Variants in PNPLA4 observed in about 807,000 individuals in gnomAD.
PNPLA4 encodes the protein patatin-like phospholipase domain-containing protein 4.
Under a neutral mutation model 18.3 loss-of-function variants are expected in PNPLA4, and 15 were observed. The ratio of observed to expected loss-of-function variants is 0.82; its 90% CI spans 0.55 to 1.26. The LOEUF (loss-of-function observed/expected upper bound fraction) is 1.26, where lower values mean the gene tolerates loss of function less well. PNPLA4 is among the 50% of genes most tolerant of loss of function. PNPLA4 has a pLI of 0.00. For synonymous variants in PNPLA4, 88 were observed against 85.6 expected (o/e 1.03, Z -0.16); for missense variants, 229 against 196.8 (o/e 1.16, Z -0.98).
At chrX:7,909,268 A>G (rs1475326283) in intron 5 of PNPLA4, among the ~76,000 whole-genome samples, 2 of 111,916 alleles carry the variant, frequency 1.8e-5, no homozygotes, top group African/African-American at 6.5e-5. Flanking sequence ...CAATAATAAC[A>G]AAAGTTTTAG....
chrX:7,914,526 G>C (rs1014428793), intron 4 of PNPLA4, among the ~76,000 whole-genome samples: 2 of 111,957 alleles, frequency 1.8e-5, no homozygotes, highest in Non-Finnish European at 3.8e-5. Context: ...GGTATGTTTC[G>C]CAAGCACAAT....
chrX:7,900,518 G>A lies in PNPLA4; in HGVS notation c.*168C>T. ...TGACGTTGTCAAATTCTAATAAAGT[G>A]CCTCTTATATCCATGTGCTAAGTAA... On this transcript the variant is annotated 3_prime_UTR_variant, in exon 7 of 7. Transcript: ENST00000381042. 1 of 337,959 alleles carries A rather than the reference G, an allele frequency of 3.0e-6. No individual in the cohort carries two copies. Among genetic ancestry groups the A allele is most frequent in the East Asian group, 4.9e-5 (1 of 20,344 alleles). The allele number at this position is 337,959 out of a possible 1,213,427, so 27.9% of individuals were successfully genotyped here.
intron 2 of PNPLA4, among the ~76,000 whole-genome samples, chrX:7,922,816 A>G (rs953351183): frequency 8.9e-6 from 1 of 111,879 alleles, no homozygotes; most frequent in African/African-American, 3.3e-5. Flanking sequence ...ATAATGAATT[A>G]ATTTGGCAAC....
rs1364227577 is a variant in PNPLA4, at chrX:7,925,951, C to T, written c.169G>A (p.Glu57Lys). ...TACTACTTAATTACCTCTATTTTTT[C>T]TGGTGCTGTTAGCAGAACAGAAGCA... ...LVASVLLTAP[E>K]KIEECNQFTY... The change falls in exon 2 of 7, where the codon GAA (glutamate) becomes AAA (lysine). Residue 57 changes from glutamate to lysine, a missense_variant. Physicochemically the swap from Glu to Lys is moderately conservative, Grantham distance 56. Coordinates refer to ENST00000381042, the MANE Select transcript of PNPLA4 (RefSeq NM_004650.3). 8.3e-7 allele frequency: 1 copy of T among 1,206,784 alleles called. No homozygotes were observed.
chrX:7,909,267 CA>C (rs1224026252), intron 5 of PNPLA4, among the ~76,000 whole-genome samples: 1 of 111,757 alleles, frequency 8.9e-6, no homozygotes, highest in Non-Finnish European at 1.9e-5. Flanking sequence ...ACAATAATAA[CA>C]AAAGTTTTAG....
At chrX:7,901,505 T>A (rs1213354104) in intron 6 of PNPLA4, among the ~76,000 whole-genome samples, 2 of 111,561 alleles carry the variant, frequency 1.8e-5, no homozygotes, top group African/African-American at 3.3e-5. Flanking sequence ...CAGGATTACC[T>A]GAGCCTGGGC....
intron 2 of PNPLA4, among the ~76,000 whole-genome samples, chrX:7,924,643 G>A (rs1156443959): frequency 8.9e-6 from 1 of 111,909 alleles, no homozygotes; most frequent in African/African-American, 3.2e-5. Context: ...ATAACAACAG[G>A]TAAACTGATC....
At chrX:7,923,634 C>T (rs1924303817) in intron 2 of PNPLA4, among the ~76,000 whole-genome samples, 1 of 111,794 alleles carries the variant, frequency 8.9e-6, no homozygotes, top group Admixed American at 9.5e-5. Flanking sequence ...GACACCCAGG[C>T]TGGGACTTAA....
At chrX:7,920,717 A>G (rs185335986) in intron 4 of PNPLA4, among the ~76,000 whole-genome samples, 23 of 112,605 alleles carry the variant, frequency 2.0e-4, no homozygotes, top group Middle Eastern at 4.6e-3. Flanking sequence ...TATTCAGTGC[A>G]TTACCACAGC....
chrX:7,911,079 G>A (rs1031713188), intron 5 of PNPLA4, among the ~76,000 whole-genome samples: 1 of 107,548 alleles, frequency 9.3e-6, no homozygotes, highest in African/African-American at 3.4e-5. Context: ...TATAAGATGC[G>A]TATTTCTGGT....
At chrX:7,902,282 G>T in intron 5 of PNPLA4, 141 bp from the exon 6 acceptor site, 2 of 526,765 alleles carry the variant, frequency 3.8e-6, no homozygotes, top group Non-Finnish European at 5.9e-6. Context: ...GATCTGTTCT[G>T]GGGGTAAAAC....
chrX:7,907,789 T>C (rs1923752998), intron 5 of PNPLA4, among the ~76,000 whole-genome samples: 1 of 109,123 alleles, frequency 9.2e-6, no homozygotes, highest in African/African-American at 3.4e-5. Flanking sequence ...GGTGTGATCA[T>C]AGCTCACTGT....
chrX:7,926,531 AC>A (rs1290363649), intron 1 of PNPLA4, among the ~76,000 whole-genome samples: 1 of 111,670 alleles, frequency 9.0e-6, no homozygotes, highest in Non-Finnish European at 1.9e-5. Context: ...ATTATTAGAG[AC>A]CGTATCAAAT....
chrX:7,905,198 G>A (rs1242826918), intron 5 of PNPLA4, among the ~76,000 whole-genome samples: 1 of 112,545 alleles, frequency 8.9e-6, no homozygotes, highest in Admixed American at 9.4e-5. Context: ...GAAAGTTATA[G>A]CACTGAAAAC....
chrX:7,926,027 T>G lies in PNPLA4; in HGVS notation c.93A>C (p.Lys31Asn), dbSNP rs375654820. The change falls in exon 2 of 7, where the codon AAA (lysine) becomes AAC (asparagine). Residue 31 changes from lysine to asparagine, a missense_variant. Physicochemically the swap from Lys to Asn is moderately conservative, Grantham distance 94 (BLOSUM62 0). Coordinates refer to ENST00000381042, the MANE Select transcript of PNPLA4 (RefSeq NM_004650.3). ...AASALCRHGK[K>N]LVKDVKAFAG... ...CGAAGGCTTTGACATCCTTCACAAG[T>G]TTTTTGCCATGTCTGCAAAGTGCAG... is the stretch of plus-strand genomic sequence containing the variant. 2 of 1,210,250 alleles carry G rather than the reference T, an allele frequency of 1.7e-6. No individual in the cohort carries two copies. Among genetic ancestry groups the G allele is most frequent in the African/African-American group, 3.5e-5 (2 of 57,483 alleles).
chrX:7,899,012 G>T lies in PNPLA4; in HGVS notation c.*1674C>A, dbSNP rs1189132309. The T allele has an allele frequency of 8.9e-6, 1 of 111,762 alleles. No homozygotes were observed. The highest frequency in any genetic ancestry group is 1.9e-5 in the Non-Finnish European group (1 of 53,189). 9.2% of individuals were successfully genotyped at this position (111,762 alleles called of 1,213,427 possible). A position where few individuals can be genotyped will look rare whatever the true frequency, so the allele number is the denominator to read the frequency against. On this transcript the variant is annotated 3_prime_UTR_variant, in exon 7 of 7. Transcript: ENST00000381042. ...TATTAAAACTGAAAATTTACCTAGT[G>T]AATAAGTGGACATAACAATTGAGAA...
intron 5 of PNPLA4, among the ~76,000 whole-genome samples, chrX:7,910,941 C>T (rs1038408129): frequency 9.0e-6 from 1 of 110,591 alleles, no homozygotes; most frequent in Non-Finnish European, 1.9e-5. Flanking sequence ...TTAAAAGATA[C>T]ATATCTCTAG....
rs767350684 is a variant in PNPLA4 at position 7,912,100 on chromosome X, G to A, written c.412-7C>T. 8 of 1,180,519 alleles carry A rather than the reference G, an allele frequency of 6.8e-6. No homozygotes were observed. Among genetic ancestry groups the A allele is most frequent in the African/African-American group, 1.7e-5 (1 of 57,213 alleles). ...AACTGCTGGCTAGGAGGACCTAGAT[G>A]GATAAAATAAAGAAGCAGCTCATGA... On this transcript the variant is annotated splice_region_variant and splice_polypyrimidine_tract_variant and intron_variant, in intron 4 of 6. Transcript: ENST00000381042.
At chrX:7,904,250 T>G (rs1350656008) in intron 5 of PNPLA4, among the ~76,000 whole-genome samples, 7 of 112,492 alleles carry the variant, frequency 6.2e-5, no homozygotes, top group Non-Finnish European at 1.9e-5. Flanking sequence ...TTATTCAACT[T>G]AATGAAAAGA....
Sources: gnomAD v4.1 joint callset for allele counts (sites outside exome capture counted in the v4.1 genomes callset) on GRCh38, gnomAD v4.1.1 for gene constraint, MANE v1.5 for transcripts, NCBI Gene and HGNC (gene_info 2026-07-23, HGNC 2026-07-21) for gene names.